Variants in HTR1F observed in about 807,000 individuals in gnomAD.
The protein encoded by HTR1F is 5-hydroxytryptamine receptor 1F, also known as 5-hydroxytryptamine (serotonin) receptor 1F, G protein-coupled.
Under a neutral mutation model 24.0 loss-of-function variants are expected in HTR1F, and 17 were observed. The observed-to-expected ratio is 0.71, with a 90% confidence interval of 0.48 to 1.06. The LOEUF (loss-of-function observed/expected upper bound fraction) is 1.06. Ranked by LOEUF, HTR1F falls within the 50% of genes least tolerant of loss-of-function variation. The pLI, the probability that HTR1F is intolerant of heterozygous loss-of-function variation, is 0.00. For synonymous variants in HTR1F, 186 were observed against 156.8 expected (o/e 1.19, Z -1.39); for missense variants, 391 against 427.8 (o/e 0.91, Z 0.76).
At chr3:87,926,021 C>T (rs1467638713) in intron 2 of HTR1F, among the ~76,000 whole-genome samples, 1 of 152,212 alleles carries the variant, frequency 6.6e-6, no homozygotes, top group Non-Finnish European at 1.5e-5. Flanking sequence ...ATCTTGATGA[C>T]ATCCATTACT....
intron 2 of HTR1F, among the ~76,000 whole-genome samples, chr3:87,850,479 G>A (rs1006611432): frequency 2.0e-5 from 3 of 151,650 alleles, no homozygotes; most frequent in African/African-American, 7.3e-5. Flanking sequence ...GAGTGGAGAG[G>A]GATAACATTA....
chr3:87,863,180 A>G (rs987101335), intron 2 of HTR1F, among the ~76,000 whole-genome samples: 10 of 152,258 alleles, frequency 6.6e-5, no homozygotes, highest in Non-Finnish European at 1.5e-4. Flanking sequence ...GATCTTTCTG[A>G]AGGATTAGCA....
intron 2 of HTR1F, among the ~76,000 whole-genome samples, chr3:87,853,784 T>A (rs1705140409): frequency 6.6e-6 from 1 of 152,136 alleles, no homozygotes; most frequent in Non-Finnish European, 1.5e-5. Context: ...TATCTCATTG[T>A]AGGTTTGATT....
chr3:87,933,858 G>T (rs1704346396), intron 2 of HTR1F, among the ~76,000 whole-genome samples: 1 of 152,062 alleles, frequency 6.6e-6, no homozygotes, highest in African/African-American at 2.4e-5. Context: ...CCAGGTTTTT[G>T]AAAGTCATGG....
intron 1 of HTR1F, among the ~76,000 whole-genome samples, chr3:87,818,905 T>C (rs1704301507): frequency 6.6e-6 from 1 of 152,190 alleles, no homozygotes; most frequent in Non-Finnish European, 1.5e-5. Context: ...TGCAGGAATT[T>C]GACCATCCTC....
intron 2 of HTR1F, among the ~76,000 whole-genome samples, chr3:87,924,106 A>G (rs1207730987): frequency 6.6e-6 from 1 of 152,070 alleles, no homozygotes; most frequent in Admixed American, 6.6e-5. Flanking sequence ...GGATTCAGCA[A>G]TAAAGCCATT....
intron 2 of HTR1F, among the ~76,000 whole-genome samples, chr3:87,963,611 G>T (rs1705107485): frequency 6.6e-6 from 1 of 152,058 alleles, no homozygotes; most frequent in Admixed American, 6.6e-5. Flanking sequence ...ATTTCTGTGG[G>T]CCTCAAATGT....
At chr3:87,805,644 A>G (rs1704061674) in intron 1 of HTR1F, among the ~76,000 whole-genome samples, 2 of 152,110 alleles carry the variant, frequency 1.3e-5, no homozygotes, top group East Asian at 3.9e-4. Context: ...GAACATTTCA[A>G]ATTCTTCTAA....
At chr3:87,971,437 T>A (rs1023837675) in intron 2 of HTR1F, among the ~76,000 whole-genome samples, 1 of 152,018 alleles carries the variant, frequency 6.6e-6, no homozygotes, top group Admixed American at 6.6e-5. Context: ...GGAGTGCCTG[T>A]AATCTCAGCT....
intron 2 of HTR1F, among the ~76,000 whole-genome samples, chr3:87,852,870 A>G (rs781345239): frequency 6.6e-6 from 1 of 151,716 alleles, no homozygotes; most frequent in Non-Finnish European, 1.5e-5. Flanking sequence ...ACTTCCCTCA[A>G]AAAATCAGAA....
At chr3:87,817,694 A>G (rs1365317622) in intron 1 of HTR1F, among the ~76,000 whole-genome samples, 1 of 152,178 alleles carries the variant, frequency 6.6e-6, no homozygotes, top group Non-Finnish European at 1.5e-5. Flanking sequence ...TGCTGTTGTG[A>G]GCAATCTTTT....
At position 87,835,440 on chromosome 3, in the gene HTR1F, C is replaced by G. The variant is rs140421694; in HGVS notation, c.-43+13316C>G. On this transcript the variant is annotated intron_variant, in intron 2 of 2. Coordinates refer to ENST00000319595, the MANE Select transcript of HTR1F (RefSeq NM_001322209.2). Reference sequence around the variant, plus strand: ...GAGCCTGGTCAAAATGGTTATACTTCGATGAAGCCAGATTACAACATAATG... The same window carrying G: ...GAGCCTGGTCAAAATGGTTATACTTGGATGAAGCCAGATTACAACATAATG... Among the ~76,000 whole-genome samples the G allele has an allele frequency of 2.0e-5, 3 of 152,234 alleles. No homozygotes were observed. The East Asian group carries it at 5.8e-4, about 29-fold the overall frequency.
chr3:87,902,557 C>A (rs1222333044), intron 2 of HTR1F, among the ~76,000 whole-genome samples: 1 of 152,074 alleles, frequency 6.6e-6, no homozygotes, highest in Non-Finnish European at 1.5e-5. Flanking sequence ...GACTTGAATA[C>A]AGCTAAGAAT....
chr3:87,801,312 T>C (rs1703985731), intron 1 of HTR1F, among the ~76,000 whole-genome samples: 1 of 152,316 alleles, frequency 6.6e-6, no homozygotes, highest in South Asian at 2.1e-4. Context: ...ACCAGTGTAG[T>C]AGCACACTTA....
intron 2 of HTR1F, among the ~76,000 whole-genome samples, chr3:87,904,588 C>T (rs1703617938): frequency 1.3e-5 from 2 of 151,956 alleles, no homozygotes; most frequent in Non-Finnish European, 2.9e-5. Context: ...AACTCACAAC[C>T]CAGATGTTCT....
At chr3:87,895,148 G>A (rs547710221) in intron 2 of HTR1F, among the ~76,000 whole-genome samples, 4 of 152,218 alleles carry the variant, frequency 2.6e-5, no homozygotes, top group Non-Finnish European at 4.4e-5. Context: ...CTTTTACTAG[G>A]TGGATAACAC....
At chr3:87,802,182 T>C (rs1285835367) in intron 1 of HTR1F, among the ~76,000 whole-genome samples, 3 of 51,104 alleles carry the variant, frequency 5.9e-5, no homozygotes, top group Non-Finnish European at 7.6e-5. Context: ...TCCTTTCTTC[T>C]TTTTCTTTCT....
In HTR1F at chr3:87,991,364, T is replaced by A; in HGVS notation, c.615T>A (p.Tyr205Ter). The A allele has an allele frequency of 6.2e-7, 1 of 1,613,886 alleles. No homozygotes were observed. Among genetic ancestry groups the A allele is most frequent in the Non-Finnish European group, 8.5e-7 (1 of 1,179,990 alleles). ...TTTTGATCCTTTACTACAAAATATA[T>A]AGAGCAGCAAAGACATTATACCACA... ...ALILILYYKIYRAAKTLYHKR... is the reference protein window; with the variant it reads ...ALILILYYKI The change falls in exon 3 of 3, where the codon TAT becomes TAA. Residue 205 changes from tyrosine to a stop codon, truncating the protein, a stop_gained. Coordinates refer to ENST00000319595, the MANE Select transcript of HTR1F (RefSeq NM_001322209.2). LOFTEE classifies it high-confidence loss of function.
intron 2 of HTR1F, among the ~76,000 whole-genome samples, chr3:87,908,087 C>T (rs1197403517): frequency 6.6e-6 from 1 of 151,558 alleles, no homozygotes; most frequent in Admixed American, 6.6e-5. Context: ...AGTGTTATAC[C>T]AACACATATA....
Sources: gnomAD v4.1 joint callset for allele counts (sites outside exome capture counted in the v4.1 genomes callset) on GRCh38, gnomAD v4.1.1 for gene constraint, MANE v1.5 for transcripts, NCBI Gene and HGNC (gene_info 2026-07-23, HGNC 2026-07-21) for gene names.